Variants in ADGRD1 observed in about 807,000 individuals in gnomAD.
ADGRD1 encodes the protein adhesion G protein-coupled receptor D1.
In ADGRD1, 77 loss-of-function variants were observed where a neutral mutation model predicts 113.4. The ratio of observed to expected loss-of-function variants is 0.68; its 90% confidence interval spans 0.57 to 0.82. The LOEUF is 0.82. Among genes scored for constraint, ADGRD1 ranks in the 40% least tolerant of loss-of-function variants. ADGRD1 has a pLI of 0.00. For synonymous variants in ADGRD1, 474 were observed against 475.0 expected, an observed-to-expected ratio of 1.00 and a Z score of 0.03; for missense variants, 1,036 against 1,139.1, an observed-to-expected ratio of 0.91 and a Z score of 1.30.
rs769542324 is a variant in ADGRD1 at position 130,954,430 on chromosome 12, T to A, written c.-36T>A. ...CCCGTTCTCACAGACCCTCAGGAATTTCACTTGGCTCCGAGCTTTGACCTC... is the reference window on the plus strand; with the variant it reads ...CCCGTTCTCACAGACCCTCAGGAATATCACTTGGCTCCGAGCTTTGACCTC... On this transcript the variant is annotated 5_prime_UTR_variant, in exon 1 of 25. Transcript: ENST00000261654. This position sits in a 1 kb window ranked among gnomAD's most constrained non-coding sequence, Gnocchi z 4.7. The A allele has an allele frequency of 7.2e-6, 11 of 1,518,374 alleles. No homozygotes were observed. Among genetic ancestry groups the A allele is most frequent in the Middle Eastern group, 1.9e-4 (1 of 5,216 alleles). The allele number at this position is 1,518,374 out of a possible 1,614,324, so 94.1% of individuals were successfully genotyped here.
intron 9 of ADGRD1, among the ~76,000 whole-genome samples, 173 bp downstream of exon 9, chr12:131,000,615 C>T (rs556416694): frequency 5.3e-5 from 8 of 152,020 alleles, no homozygotes; most frequent in Non-Finnish European, 1.0e-4. Context: ...GTGGCGGGCA[C>T]CTGTAGTCCC....
In ADGRD1 at chr12:131,022,125, G is replaced by A. The variant is rs1436761663; in HGVS notation, c.1473+7785G>A. Among the ~76,000 whole-genome samples the A allele has an allele frequency of 6.6e-6, 1 of 152,170 alleles. No homozygotes were observed. The highest frequency in any genetic ancestry group is 2.4e-5 in the African/African-American group (1 of 41,442). Reference sequence around the variant, plus strand: ...AAACACTGTCACATTCTGAGGTCTTGGGGGTTAGGGCTTCAACAGGTGACT... The same window carrying A: ...AAACACTGTCACATTCTGAGGTCTTAGGGGTTAGGGCTTCAACAGGTGACT... On this transcript the variant is annotated intron_variant, in intron 13 of 24. Transcript: ENST00000261654. This position sits in a 1 kb window ranked among gnomAD's most constrained non-coding sequence, Gnocchi z 4.6.
chr12:130,989,717 G>A (rs1874131868), intron 6 of ADGRD1: 1 of 152,362 alleles, frequency 6.6e-6, no homozygotes, highest in South Asian at 2.1e-4. Context: ...CCTGGGCAGA[G>A]GTGACACCTC....
chr12:131,049,657 C>G (rs1883184861), intron 13 of ADGRD1, among the ~76,000 whole-genome samples: 1 of 152,216 alleles, frequency 6.6e-6, no homozygotes, highest in Admixed American at 6.5e-5. Flanking sequence ...CCCACAGGAT[C>G]ATAACCATGT....
intron 13 of ADGRD1, among the ~76,000 whole-genome samples, chr12:131,046,242 C>T (rs1185100151): frequency 6.7e-6 from 1 of 148,650 alleles, no homozygotes; most frequent in Non-Finnish European, 1.5e-5. Context: ...GTGCTCCTCC[C>T]TGGTCAGTGT....
At chr12:131,005,837 T>C (rs1181083155) in intron 11 of ADGRD1, 135 bp from the exon 12 acceptor site, 8 of 697,616 alleles carry the variant, frequency 1.1e-5, no homozygotes, top group South Asian at 8.0e-5. Flanking sequence ...TGCCCGAGTG[T>C]CCTTCACTTC....
rs1257634020 is a variant in ADGRD1, at chr12:131,084,145, A to G, written c.1548-395A>G. Among the ~76,000 whole-genome samples the G allele has an allele frequency of 3.3e-5, 5 of 152,186 alleles. No individual in the cohort carries two copies. The highest frequency in any genetic ancestry group is 3.3e-4 in the Admixed American group (5 of 15,286). Reference sequence around the variant, plus strand: ...TTTATGTTACCGTCACTCATGATTCAGTGACTGGGCTTGAATGTGGTCCCT... The same window carrying G: ...TTTATGTTACCGTCACTCATGATTCGGTGACTGGGCTTGAATGTGGTCCCT... On this transcript the variant is annotated intron_variant, in intron 14 of 24. Coordinates refer to ENST00000261654, the MANE Select transcript of ADGRD1 (RefSeq NM_198827.5). The surrounding 1 kb of genome is among the most constrained non-coding windows in gnomAD (Gnocchi z 4.5).
At chr12:131,007,408 C>G (rs1023230169) in intron 12 of ADGRD1, among the ~76,000 whole-genome samples, 4 of 152,232 alleles carry the variant, frequency 2.6e-5, no homozygotes, top group African/African-American at 7.2e-5. Context: ...GTTTGCAGAT[C>G]TTTGCCAGAC....
At chr12:130,969,073 G>T in intron 3 of ADGRD1, 1 of 1,476,554 alleles carries the variant, frequency 6.8e-7, no homozygotes, top group Non-Finnish European at 9.2e-7. Flanking sequence ...GCAACTGTAG[G>T]TGAGCATTTA....
intron 19 of ADGRD1, among the ~76,000 whole-genome samples, chr12:131,119,751 T>C (rs1459907284): frequency 6.6e-6 from 1 of 152,238 alleles, no homozygotes; most frequent in African/African-American, 2.4e-5. Flanking sequence ...AGAGGTACCA[T>C]TCAGACTTGC....
intron 13 of ADGRD1, among the ~76,000 whole-genome samples, chr12:131,034,764 G>T (rs950620284): frequency 1.3e-5 from 2 of 152,172 alleles, no homozygotes; most frequent in African/African-American, 2.4e-5. Flanking sequence ...CTCTGGAGAA[G>T]GTGGCTCTAC....
intron 13 of ADGRD1, chr12:131,026,356 T>TCCTTTGCCACTGACGTCAGC (rs527912824): frequency 4.2e-4 from 64 of 151,380 alleles, no homozygotes; most frequent in African/African-American, 1.4e-3. Flanking sequence ...GGGGCGGGAG[T>TCCTTTGCCACTGACGTCAGC]CCTTTGCCAC....
chr12:131,024,605 T>C (rs2136889946), intron 13 of ADGRD1: 1 of 152,358 alleles, frequency 6.6e-6, no homozygotes, highest in East Asian at 1.9e-4. Flanking sequence ...AGTACAGTAG[T>C]GGGCACAGTT....
In ADGRD1 at chr12:131,096,579, TC is replaced by T. The variant is rs1233992290; in HGVS notation, c.1672-8249del. 6.6e-6 allele frequency among the ~76,000 whole-genome samples: 1 copy of T among 152,064 alleles called. No individual in the cohort carries two copies. The highest frequency in any genetic ancestry group is 1.5e-5 in the Non-Finnish European group (1 of 68,010). On this transcript the variant is annotated intron_variant, in intron 15 of 24. Coordinates refer to ENST00000261654, the MANE Select transcript of ADGRD1 (RefSeq NM_198827.5). This position sits in a 1 kb window ranked among gnomAD's most constrained non-coding sequence, Gnocchi z 5.2. ...AAATAACCAGCATCCTATGCACACA[TC>T]CCGCCTCCATCTGTGAGGATGGGTT...
At chr12:131,069,825 CTAA>C (rs1254611746) in intron 13 of ADGRD1, 3 of 152,142 alleles carry the variant, frequency 2.0e-5, no homozygotes, top group Admixed American at 2.0e-4. Context: ...AAAATAAGCC[CTAA>C]TGAGACAACT....
chr12:131,059,356 T>G (rs1171211012), intron 13 of ADGRD1, among the ~76,000 whole-genome samples: 1 of 152,100 alleles, frequency 6.6e-6, no homozygotes, highest in East Asian at 1.9e-4. Context: ...TTTTTTTGTA[T>G]TTTTAGTAGA....
intron 13 of ADGRD1, among the ~76,000 whole-genome samples, chr12:131,045,407 C>A (rs1406750739): frequency 6.6e-6 from 1 of 152,210 alleles, no homozygotes; most frequent in African/African-American, 2.4e-5. Flanking sequence ...ACAGGAGGAT[C>A]CTGAAACTCT....
intron 15 of ADGRD1, among the ~76,000 whole-genome samples, chr12:131,085,048 C>G (rs1040188385): frequency 6.6e-6 from 1 of 152,248 alleles, no homozygotes; most frequent in African/African-American, 2.4e-5. Flanking sequence ...AAAAACAACA[C>G]AGTCCTGCTC....
rs762576989 is a variant in ADGRD1, at chr12:131,105,793, C to T, written c.1815C>T (p.His605=). 45 of 1,601,332 alleles carry T rather than the reference C, an allele frequency of 2.8e-5. No individual in the cohort carries two copies. The highest frequency in any genetic ancestry group is 3.5e-5 in the Non-Finnish European group (41 of 1,179,966). Reference sequence around the variant, plus strand: ...TCCGGAACCAGCGCTACCACATCCACGCCAACCTGTCCTTCGCCGTGCTGG... The same window carrying T: ...TCCGGAACCAGCGCTACCACATCCATGCCAACCTGTCCTTCGCCGTGCTGG... ...STIRNQRYHI[H]ANLSFAVLVA... The change falls in exon 17 of 25, where the codon CAC becomes CAT. Residue 605 remains histidine, a synonymous_variant. Coordinates refer to ENST00000261654, the MANE Select transcript of ADGRD1 (RefSeq NM_198827.5).
Sources: gnomAD v4.1 joint callset for allele counts (sites outside exome capture counted in the v4.1 genomes callset) on GRCh38, gnomAD v4.1.1 for gene constraint, Gnocchi (gnomAD v3.1) non-coding constraint, MANE v1.5 for transcripts, NCBI Gene and HGNC (gene_info 2026-07-23, HGNC 2026-07-21) for gene names.